Variants in UST observed in about 807,000 individuals in gnomAD.
UST encodes the protein chondroitin sulfate 2-O-sulfotransferase.
A neutral mutation model predicts 45.6 loss-of-function variants in UST; 21 were observed. That is an observed-to-expected ratio of 0.46 (90% CI 0.33 to 0.66). The LOEUF (loss-of-function observed/expected upper bound fraction) is 0.66. Ranked by LOEUF, UST falls within the 30% of genes least tolerant of loss-of-function variation. UST has a pLI of 0.02. For missense variants in UST, 463 were observed against 512.4 expected (o/e 0.90, Z 0.93); for synonymous variants, 215 against 200.6 (o/e 1.07, Z -0.61).
intron 5 of UST, among the ~76,000 whole-genome samples, chr6:148,967,947 T>C (rs560159703): frequency 2.0e-5 from 3 of 151,792 alleles, no homozygotes; most frequent in Non-Finnish European, 4.4e-5. Flanking sequence ...TGGAAGAAAA[T>C]GGAAAGGGTA....
At chr6:148,876,278 C>A (rs944580272) in intron 1 of UST, among the ~76,000 whole-genome samples, 6 of 152,056 alleles carry the variant, frequency 3.9e-5, no homozygotes, top group African/African-American at 1.4e-4. Context: ...CAGCACCAAG[C>A]CAGGAGGGAT....
At position 148,910,134 on chromosome 6, in the gene UST, C is replaced by CTTTTTT. The variant is rs148286486; in HGVS notation, c.291+23123_291+23128dup. 1.4e-4 allele frequency among the ~76,000 whole-genome samples: 14 copies of CTTTTTT among 103,450 alleles called. 1 individual carries two copies. Among genetic ancestry groups the CTTTTTT allele is most frequent in the Non-Finnish European group, 2.0e-4 (11 of 53,770 alleles). 67.9% of individuals were successfully genotyped at this position (103,450 alleles called of 152,430 possible). On this transcript the variant is annotated intron_variant, in intron 2 of 7. Coordinates refer to ENST00000367463, the MANE Select transcript of UST (RefSeq NM_005715.3). ...AAATCTCCCAAGGTAGCCTGGGATGCTTTTTTTTTTTTTTTTTTTTTTTGA... is the reference window on the plus strand; with the variant it reads ...AAATCTCCCAAGGTAGCCTGGGATGCTTTTTTTTTTTTTTTTTTTTTTTTTTTTTGA...
intron 2 of UST, among the ~76,000 whole-genome samples, chr6:148,910,415 C>T (rs1779450411): frequency 1.3e-5 from 2 of 152,200 alleles, no homozygotes; most frequent in South Asian, 2.1e-4. Flanking sequence ...GCTGGCATTA[C>T]AGGCAGGATG....
intron 3 of UST, among the ~76,000 whole-genome samples, chr6:148,948,302 G>T (rs1029127238): frequency 1.3e-5 from 2 of 152,190 alleles, no homozygotes; most frequent in Non-Finnish European, 1.5e-5. Context: ...TTGCAAAATT[G>T]TAAGACGTCT....
chr6:148,970,004 C>T (rs1441301210), intron 5 of UST, among the ~76,000 whole-genome samples: 1 of 152,180 alleles, frequency 6.6e-6, no homozygotes, highest in East Asian at 1.9e-4. Context: ...ACGCCAGAGC[C>T]GAATGCTCCG....
chr6:149,035,167 C>T (rs1415405142), intron 7 of UST, among the ~76,000 whole-genome samples: 1 of 152,084 alleles, frequency 6.6e-6, no homozygotes, highest in Non-Finnish European at 1.5e-5. Flanking sequence ...CATTTTTTCT[C>T]TGGAAGAGTT....
At chr6:148,918,896 C>G (rs1779643935) in intron 2 of UST, among the ~76,000 whole-genome samples, 1 of 152,038 alleles carries the variant, frequency 6.6e-6, no homozygotes, top group Non-Finnish European at 1.5e-5. Flanking sequence ...ACCTTGCATC[C>G]CTTCTGGAAT....
intron 1 of UST, among the ~76,000 whole-genome samples, chr6:148,783,635 T>G (rs1199681584): frequency 6.6e-6 from 1 of 152,220 alleles, no homozygotes; most frequent in Non-Finnish European, 1.5e-5. Context: ...AATCAGAGCT[T>G]CTTGTGGTTT....
intron 3 of UST, among the ~76,000 whole-genome samples, chr6:148,947,792 C>A (rs1277649404): frequency 6.6e-6 from 1 of 152,074 alleles, no homozygotes; most frequent in Non-Finnish European, 1.5e-5. Flanking sequence ...TCCAACTGGA[C>A]CTTAGAGTCA....
At chr6:148,827,622 G>C (rs1426679224) in intron 1 of UST, among the ~76,000 whole-genome samples, 1 of 144,384 alleles carries the variant, frequency 6.9e-6, no homozygotes, top group Non-Finnish European at 1.5e-5. Flanking sequence ...TCTCAAAAAA[G>C]GAAAAAAAAA....
intron 6 of UST, 114 bp from the exon 7 acceptor site, chr6:149,021,210 C>G: frequency 8.2e-7 from 1 of 1,218,892 alleles, no homozygotes; most frequent in Non-Finnish European, 1.1e-6. Flanking sequence ...TTGAGGGAAA[C>G]AGGATTTGGA....
chr6:148,754,096 G>T (rs1170615097), intron 1 of UST, among the ~76,000 whole-genome samples: 1 of 151,228 alleles, frequency 6.6e-6, no homozygotes, highest in Non-Finnish European at 1.5e-5. Context: ...CCAGGTACAC[G>T]CCATTCTCCT....
intron 5 of UST, among the ~76,000 whole-genome samples, chr6:148,975,253 A>G (rs1780993495): frequency 6.6e-6 from 1 of 152,150 alleles, no homozygotes; most frequent in African/African-American, 2.4e-5. Context: ...CCTTCAAATT[A>G]TTTCATGTCT....
intron 7 of UST, among the ~76,000 whole-genome samples, chr6:149,049,405 A>G (rs746643636): frequency 1.3e-5 from 2 of 152,254 alleles, no homozygotes; most frequent in Non-Finnish European, 2.9e-5. Flanking sequence ...TTTTACTAGA[A>G]AAACTACGTG....
At chr6:149,068,234 C>T (rs890775413) in intron 7 of UST, among the ~76,000 whole-genome samples, 2 of 152,138 alleles carry the variant, frequency 1.3e-5, no homozygotes, top group Non-Finnish European at 2.9e-5. Context: ...AGTAATAGCC[C>T]TCTCACCTGT....
intron 1 of UST, among the ~76,000 whole-genome samples, chr6:148,806,473 G>A (rs1777149087): frequency 6.6e-6 from 1 of 150,412 alleles, no homozygotes; most frequent in Admixed American, 6.7e-5. Context: ...CAAGTAGCTG[G>A]GACTACAGGC....
At position 148,964,651 on chromosome 6, in the gene UST, G is replaced by A. The variant is rs1466952458; in HGVS notation, c.681+88G>A. On this transcript the variant is annotated intron_variant, in intron 5 of 7. Coordinates refer to ENST00000367463, the MANE Select transcript of UST (RefSeq NM_005715.3). ...GGAAGGTTCACTCTTCCCTTCCCAG[G>A]CCTTCTCCTTGGCGCCTCCATGGAG... 1.8e-4 allele frequency: 280 copies of A among 1,541,608 alleles called. 2 individuals carry two copies. The South Asian group carries it at 3.2e-3, about 18-fold the overall frequency.
chr6:148,883,898 G>A (rs1008429882), intron 1 of UST, among the ~76,000 whole-genome samples: 12 of 152,118 alleles, frequency 7.9e-5, no homozygotes, highest in Non-Finnish European at 1.3e-4. Context: ...TTGGGAGCCC[G>A]AGGCGGGCAG....
intron 7 of UST, among the ~76,000 whole-genome samples, chr6:149,056,373 C>G (rs1033428025): frequency 1.8e-4 from 28 of 152,118 alleles, no homozygotes; most frequent in African/African-American, 6.8e-4. Context: ...TCTCAAAGTG[C>G]TGGGATTACA....
Sources: allele counts gnomAD v4.1 joint callset (sites outside exome capture counted in the v4.1 genomes callset), GRCh38; gene constraint gnomAD v4.1.1; transcripts MANE v1.5; gene names NCBI Gene and HGNC (gene_info 2026-07-23, HGNC 2026-07-21).